The following ZNF516 variants were observed in gnomAD, a reference collection of about 807,000 sequenced individuals.
The protein encoded by ZNF516 is zinc finger protein 516.
ZNF516 carries 19 observed loss-of-function variants against 79.7 expected under a neutral mutation model. The observed-to-expected ratio is 0.24, with a 90% CI of 0.17 to 0.35. The LOEUF (loss-of-function observed/expected upper bound fraction) is 0.35. Ranked by LOEUF, ZNF516 falls within the 10% of genes least tolerant of loss-of-function variation. The pLI, the probability that ZNF516 is intolerant of heterozygous loss-of-function variation, is 1.00. For missense variants in ZNF516, 1,678 were observed against 1,679.5 expected (o/e 1.00, Z 0.02); for synonymous variants, 877 against 739.5 (o/e 1.19, Z -3.02).
intron 3 of ZNF516, among the ~76,000 whole-genome samples, chr18:76,416,648 T>C (rs1387346570): frequency 6.6e-6 from 1 of 152,226 alleles, no homozygotes; most frequent in African/African-American, 2.4e-5. Flanking sequence ...ATAGTCAATG[T>C]GAGGACCATC....
chr18:76,484,441 C>T (rs541962394), intron 1 of ZNF516, among the ~76,000 whole-genome samples: 1 of 152,204 alleles, frequency 6.6e-6, no homozygotes, highest in Non-Finnish European at 1.5e-5. Flanking sequence ...GGTCATTACA[C>T]CAAGTCAATG....
intron 5 of ZNF516, 118 bp downstream of exon 5, chr18:76,371,349 G>T: frequency 9.5e-7 from 1 of 1,056,670 alleles, no homozygotes; most frequent in Admixed American, 2.4e-5. Flanking sequence ...CAGGCCCCCC[G>T]CCGCCTGGTA....
chr18:76,476,777 G>A (rs552085616), intron 1 of ZNF516, among the ~76,000 whole-genome samples: 2 of 152,190 alleles, frequency 1.3e-5, no homozygotes, highest in Non-Finnish European at 2.9e-5. Flanking sequence ...CACCTGACTA[G>A]GTGAACCGTA....
rs970646466 is a variant in ZNF516, at chr18:76,410,370, G to A, written c.1811-30067C>T. Among the ~76,000 whole-genome samples, 4 of 152,148 alleles carry A rather than the reference G, an allele frequency of 2.6e-5. No individual in the cohort carries two copies. In the East Asian group the frequency reaches 5.8e-4, roughly 22 times the overall value. On this transcript the variant is annotated intron_variant, in intron 3 of 6. Coordinates refer to ENST00000443185, the MANE Select transcript of ZNF516 (RefSeq NM_014643.4). ...TCTGGCTTCCAAGGTCTCAAGAAGC[G>A]GTTTTGACTGTGGCTTCTTCCTTTC...
In ZNF516 at chr18:76,441,936, C is replaced by A; in HGVS notation, c.1119G>T (p.Ala373=). The change falls in exon 3 of 7, where the codon GCG becomes GCT. Residue 373 remains alanine (A), a synonymous_variant. Coordinates refer to ENST00000443185, the MANE Select transcript of ZNF516 (RefSeq NM_014643.4). ...SRTRAPAEEG[A]EGPSDTKQFF... ...ACTGCTTGGTGTCCGAGGGCCCCTCCGCCCCCTCCTCGGCCGGGGCGCGCG... is the reference window on the plus strand; with the variant it reads ...ACTGCTTGGTGTCCGAGGGCCCCTCAGCCCCCTCCTCGGCCGGGGCGCGCG... 1.2e-6 allele frequency: 2 copies of A among 1,609,726 alleles called. No homozygotes were observed. Among genetic ancestry groups the A allele is most frequent in the Non-Finnish European group, 1.7e-6 (2 of 1,179,028 alleles).
chr18:76,421,474 AGCAGAGCCCGG>A (rs1453457077), intron 3 of ZNF516, among the ~76,000 whole-genome samples: 19 of 152,232 alleles, frequency 1.2e-4, no homozygotes, highest in African/African-American at 4.1e-4. Flanking sequence ...AGAGCTGGAA[AGCAGAGCCCGG>A]GCTGAGCCCC....
At chr18:76,408,539 G>A (rs570331778) in intron 3 of ZNF516, among the ~76,000 whole-genome samples, 14 of 152,278 alleles carry the variant, frequency 9.2e-5, no homozygotes, top group African/African-American at 3.4e-4. Flanking sequence ...GGTGAAAAAC[G>A]TCTAAAGGCG....
At chr18:76,409,586 C>T (rs1036251481) in intron 3 of ZNF516, among the ~76,000 whole-genome samples, 2 of 152,172 alleles carry the variant, frequency 1.3e-5, no homozygotes, top group African/African-American at 2.4e-5. Context: ...CTGGTAGGAA[C>T]GATATTAAAG....
Position 76,379,214 on chromosome 18 carries a change from T to A in ZNF516, c.2900A>T (p.Lys967Met). The change falls in exon 4 of 7, where the codon AAG becomes ATG. Residue 967 changes from lysine to methionine, a missense_variant. Lys to Met is a moderately conservative substitution (Grantham distance 95). This residue lies in a region of ZNF516 where 1,294 missense variants were observed against 1,248.3 expected (regional missense o/e 1.04). Coordinates refer to ENST00000443185, the MANE Select transcript of ZNF516 (RefSeq NM_014643.4). ...PAGAGFAPTNKHSAPDSLKAK... is the reference protein window; with the variant it reads ...PAGAGFAPTNMHSAPDSLKAK... ...TTTCAGGGAGTCCGGGGCACTGTGC[T>A]TATTTGTGGGGGCAAAGCCAGCCCC... 6.2e-7 allele frequency: 1 copy of A among 1,612,822 alleles called. No homozygotes were observed. Among genetic ancestry groups the A allele is most frequent in the Non-Finnish European group, 8.5e-7 (1 of 1,179,736 alleles).
intron 3 of ZNF516, among the ~76,000 whole-genome samples, chr18:76,413,101 T>C (rs2075391293): frequency 2.0e-5 from 3 of 152,352 alleles, no homozygotes; most frequent in South Asian, 4.1e-4. Flanking sequence ...AGTGCTATTA[T>C]TTGGAAACAG....
chr18:76,428,654 G>A (rs759289690), intron 3 of ZNF516, among the ~76,000 whole-genome samples: 27 of 152,110 alleles, frequency 1.8e-4, no homozygotes, highest in South Asian at 6.2e-4. Context: ...CATCAAATGC[G>A]CTTACTACGT....
At chr18:76,492,763 A>C (rs1287789033) in intron 1 of ZNF516, 1 of 985,548 alleles carries the variant, frequency 1.0e-6, no homozygotes, top group African/African-American at 1.7e-5. Flanking sequence ...GCAGGTTCCG[A>C]CCTGAATCTG....
At chr18:76,480,529 A>ATGT (rs374464151) in intron 1 of ZNF516, among the ~76,000 whole-genome samples, 2 of 142,024 alleles carry the variant, frequency 1.4e-5, no homozygotes, top group South Asian at 2.2e-4. Flanking sequence ...ACACACATAT[A>ATGT]TTTTTTTTTT....
At chr18:76,440,725 AGTGT>A (rs71881300) in intron 3 of ZNF516, among the ~76,000 whole-genome samples, 132 of 118,842 alleles carry the variant, frequency 1.1e-3, no homozygotes, top group African/African-American at 3.9e-3. Context: ...AGTGGAGGAA[AGTGT>A]GTGTGTGTGT....
chr18:76,492,949 T>G (rs768761770), intron 1 of ZNF516: 11 of 985,466 alleles, frequency 1.1e-5, no homozygotes, highest in East Asian at 2.3e-4. Flanking sequence ...GACTTCACAG[T>G]GTGCAGACAC....
chr18:76,465,548 A>G (rs1012251434), intron 1 of ZNF516, among the ~76,000 whole-genome samples: 1 of 152,200 alleles, frequency 6.6e-6, no homozygotes, highest in Non-Finnish European at 1.5e-5. Context: ...TTACTTTCAG[A>G]TGTATTAACC....
intron 6 of ZNF516, among the ~76,000 whole-genome samples, chr18:76,366,048 G>A: frequency 6.6e-6 from 1 of 152,192 alleles, no homozygotes; most frequent in East Asian, 1.9e-4. Context: ...ATATAACATG[G>A]AAGAGGCTTA....
At position 76,361,177 on chromosome 18, in the gene ZNF516, T is replaced by C; in HGVS notation, c.*1321A>G. On this transcript the variant is annotated 3_prime_UTR_variant, in exon 7 of 7. Coordinates refer to ENST00000443185, the MANE Select transcript of ZNF516 (RefSeq NM_014643.4). ...TCAAGGCAGCAGTAACTTTTGATAATGCATAAAATCATATGTGCAAAAATC... is the reference window on the plus strand; with the variant it reads ...TCAAGGCAGCAGTAACTTTTGATAACGCATAAAATCATATGTGCAAAAATC... The C allele has an allele frequency of 6.6e-6, 1 of 152,144 alleles. No homozygotes were observed. The highest frequency in any genetic ancestry group is 1.9e-4 in the East Asian group (1 of 5,202). 9.4% of individuals were successfully genotyped at this position (152,144 alleles called of 1,614,324 possible). A position where few individuals can be genotyped will look rare whatever the true frequency, so the allele number is the denominator to read the frequency against.
intron 3 of ZNF516, 42 bp from the exon 4 acceptor site, chr18:76,380,345 A>C: frequency 6.3e-7 from 1 of 1,595,256 alleles, no homozygotes; most frequent in Non-Finnish European, 8.5e-7. Context: ...ACCATTTCTC[A>C]TCAGAACACA....
Sources: gnomAD v4.1 joint callset for allele counts (sites outside exome capture counted in the v4.1 genomes callset) on GRCh38, gnomAD v4.1.1 for gene constraint, gnomAD v4.1.1 regional missense constraint, MANE v1.5 for transcripts, NCBI Gene and HGNC (gene_info 2026-07-23, HGNC 2026-07-21) for gene names.